BAZ2B: variants seen among roughly 807,000 people sequenced by gnomAD.
The protein encoded by BAZ2B is bromodomain adjacent to zinc finger domain protein 2B.
In BAZ2B, 91 loss-of-function variants were observed where a neutral mutation model predicts 246.0. The ratio of observed to expected loss-of-function variants is 0.37; its 90% CI spans 0.31 to 0.44. BAZ2B has a LOEUF of 0.44. BAZ2B is among the 20% of genes least tolerant of loss of function. BAZ2B has a pLI of 1.00. For missense variants in BAZ2B, 2,332 were observed against 2,533.7 expected (o/e 0.92, Z 1.71); for synonymous variants, 855 against 860.0 (o/e 0.99, Z 0.10).
chr2:159,450,336 C>T (rs2074884401), intron 4 of BAZ2B, among the ~76,000 whole-genome samples: 1 of 150,528 alleles, frequency 6.6e-6, no homozygotes, highest in South Asian at 2.1e-4. Context: ...GATCGCACCA[C>T]TGCATTCCAC....
intron 20 of BAZ2B, among the ~76,000 whole-genome samples, chr2:159,390,553 T>C (rs2063203498): frequency 6.6e-6 from 1 of 152,110 alleles, no homozygotes; most frequent in Non-Finnish European, 1.5e-5. Context: ...GCCCATATTC[T>C]AATCATCTCC....
intron 27 of BAZ2B, among the ~76,000 whole-genome samples, chr2:159,363,395 T>C (rs1170406038): frequency 6.6e-6 from 1 of 152,182 alleles, no homozygotes; most frequent in Admixed American, 6.5e-5. Flanking sequence ...AACATGCTCT[T>C]GGTGCAGAGA....
At chr2:159,551,620 C>T (rs914344926) in intron 2 of BAZ2B, among the ~76,000 whole-genome samples, 14 of 151,750 alleles carry the variant, frequency 9.2e-5, no homozygotes, top group Non-Finnish European at 1.6e-4. Flanking sequence ...TGCAAAAATA[C>T]GCTCAGAGAA....
At chr2:159,407,507 T>C (rs769358762) in intron 14 of BAZ2B, among the ~76,000 whole-genome samples, 1 of 152,160 alleles carries the variant, frequency 6.6e-6, no homozygotes. Flanking sequence ...ACAGTCTATA[T>C]GCCACTATTT....
At chr2:159,610,876 A>G (rs1428634670) in intron 1 of BAZ2B, among the ~76,000 whole-genome samples, 2 of 152,100 alleles carry the variant, frequency 1.3e-5, no homozygotes, top group East Asian at 1.9e-4. Context: ...TAAAAACTCA[A>G]TGTTTAACTG....
In BAZ2B at chr2:159,336,956, A is replaced by G. The variant is rs2065783497; in HGVS notation, c.5782T>C (p.Ser1928Pro). The G allele has an allele frequency of 6.2e-7, 1 of 1,602,058 alleles. No homozygotes were observed. The highest frequency in any genetic ancestry group is 1.7e-5 in the Admixed American group (1 of 58,344). The change falls in exon 33 of 37, where the codon TCA becomes CCA. Residue 1928 changes from serine to proline, a missense_variant. Physicochemically the swap from Ser to Pro is moderately conservative, Grantham distance 74. This residue lies in a region of BAZ2B where 53 missense variants were observed against 62.0 expected (regional missense o/e 0.86). Coordinates refer to ENST00000392783, the MANE Select transcript of BAZ2B (RefSeq NM_013450.4). ...QLQKSIAWEK[S>P]IMKVYCQICR... ...AAAACACTTACAACTTTCATAATTG[A>G]TTTTTCCCATGCTATTGATTTCTGT... is the stretch of plus-strand genomic sequence containing the variant.
chr2:159,705,978 A>G, the BAZ2B span, among the ~76,000 whole-genome samples: 1 of 152,084 alleles, frequency 6.6e-6, no homozygotes. Flanking sequence ...AAGGTACTAT[A>G]GAATGAAAAA....
rs956558472 is a variant in BAZ2B, at chr2:159,350,862, C to T, written c.4214-505G>A. ...TGCAGGGATAACAGGCATGAGCCAC[C>T]ACTCCCAGCCGGCATTAACATATAT... On this transcript the variant is annotated intron_variant, in intron 27 of 36. Transcript: ENST00000392783. Among the ~76,000 whole-genome samples, 6 of 150,422 alleles carry T rather than the reference C, an allele frequency of 4.0e-5. 1 individual carries two copies. The South Asian group carries it at 1.3e-3, about 31-fold the overall frequency.
intron 2 of BAZ2B, among the ~76,000 whole-genome samples, chr2:159,549,915 C>T (rs1490889642): frequency 2.6e-5 from 4 of 151,604 alleles, no homozygotes; most frequent in Non-Finnish European, 5.9e-5. Flanking sequence ...CCTCCGCCTC[C>T]CGAGTTCAAG....
In BAZ2B at chr2:159,349,096, G is replaced by A; in HGVS notation, c.5048C>T (p.Pro1683Leu). 6.2e-7 allele frequency: 1 copy of A among 1,614,004 alleles called. No homozygotes were observed. Among genetic ancestry groups the A allele is most frequent in the South Asian group, 1.1e-5 (1 of 91,076 alleles). The stretch of plus-strand genomic sequence containing the variant: ...AGCTGAAGTGGCCTTTTCATTCTGT[G>A]GTACTGGAGATTCACTTTTACTTGA... Reference protein sequence around the residue: ...VASSKSESPVPQNEKATSAQP... With the variant: ...VASSKSESPVLQNEKATSAQP... Residue 1683 changes from proline (P) to leucine (L), a missense_variant, in exon 29 of 37, where the codon CCA (proline) becomes CTA (leucine). Pro to Leu is a moderately conservative substitution (Grantham distance 98). This residue lies in a region of BAZ2B where 676 missense variants were observed against 668.6 expected (regional missense o/e 1.01). Transcript: ENST00000392783.
At chr2:159,571,719 G>A (rs1052367008) in intron 1 of BAZ2B, among the ~76,000 whole-genome samples, 1 of 152,166 alleles carries the variant, frequency 6.6e-6, no homozygotes, top group African/African-American at 2.4e-5. Flanking sequence ...CAGTTCTGGA[G>A]GCTGGGAAGT....
chr2:159,463,158 G>C (rs1390090727), intron 3 of BAZ2B: 12 of 623,132 alleles, frequency 1.9e-5, no homozygotes, highest in Non-Finnish European at 2.7e-5. Flanking sequence ...GAATATCACT[G>C]AATACTTCAT....
rs1470898201 is a variant in BAZ2B at position 159,398,894 on chromosome 2, C to T, written c.2899G>A (p.Ala967Thr). ...GCTTCTTCCTTCTTTTTCTTTTTAG[C>T]CTGTGCATGCAAAACAGGTCTCAAA... ...KELRAQQILE[A>T]KKKKKEEAAN... Residue 967 changes from alanine to threonine, a missense_variant and splice_region_variant, in exon 18 of 37, where the codon GCT (alanine) becomes ACT (threonine). Ala to Thr is a moderately conservative substitution (Grantham distance 58). Transcript: ENST00000392783. The T allele has an allele frequency of 3.1e-6, 5 of 1,609,206 alleles. No individual in the cohort carries two copies. Among genetic ancestry groups the T allele is most frequent in the Non-Finnish European group, 4.2e-6 (5 of 1,179,658 alleles).
chr2:159,357,241 G>T (rs1385150686), intron 27 of BAZ2B, among the ~76,000 whole-genome samples: 1 of 151,938 alleles, frequency 6.6e-6, no homozygotes, highest in Non-Finnish European at 1.5e-5. Context: ...AAAGGTTAGA[G>T]GAATGCTAAC....
the BAZ2B span, among the ~76,000 whole-genome samples, chr2:159,673,521 C>T: frequency 2.0e-5 from 3 of 152,166 alleles, no homozygotes; most frequent in East Asian, 1.9e-4. Flanking sequence ...CCTGAATATA[C>T]AGCTCTAAAT....
chr2:159,485,352 A>C (rs2079698662), intron 2 of BAZ2B, among the ~76,000 whole-genome samples: 4 of 152,172 alleles, frequency 2.6e-5, no homozygotes, highest in Admixed American at 2.6e-4. Flanking sequence ...TTTGAAAATA[A>C]TATGTTCATA....
At chr2:159,490,452 G>A (rs1355477349) in intron 2 of BAZ2B, among the ~76,000 whole-genome samples, 1 of 152,130 alleles carries the variant, frequency 6.6e-6, no homozygotes, top group East Asian at 1.9e-4. Context: ...AACATTTCAC[G>A]TTAACTCTTT....
chr2:159,434,520 C>T (rs2071820788), intron 8 of BAZ2B: 1 of 152,070 alleles, frequency 6.6e-6, no homozygotes, highest in African/African-American at 2.4e-5. Context: ...CTTTAGTATA[C>T]ATAGAATATG....
intron 1 of BAZ2B, among the ~76,000 whole-genome samples, chr2:159,595,775 G>C (rs1690551727): frequency 6.6e-6 from 1 of 152,194 alleles, no homozygotes; most frequent in African/African-American, 2.4e-5. Flanking sequence ...GCCCACTCTT[G>C]TGCCAATCAC....
Sources: allele counts gnomAD v4.1 joint callset (sites outside exome capture counted in the v4.1 genomes callset), GRCh38; gene constraint gnomAD v4.1.1; regional missense constraint gnomAD v4.1.1; transcripts MANE v1.5; gene names NCBI Gene and HGNC (gene_info 2026-07-23, HGNC 2026-07-21).